Variants in TAF4 observed in about 807,000 individuals in gnomAD.
TAF4 encodes the protein TATA-box binding protein associated factor 4.
In TAF4, 9 loss-of-function variants were observed where a neutral mutation model predicts 90.3. The observed-to-expected ratio is 0.10, with a 90% CI of 0.06 to 0.17. The LOEUF is 0.17. Among genes scored for constraint, TAF4 ranks in the 10% least tolerant of loss-of-function variants. TAF4 has a pLI of 1.00. For synonymous variants in TAF4, 818 were observed against 638.9 expected, an observed-to-expected ratio of 1.28 and a Z score of -4.23; for missense variants, 1,351 against 1,370.7, an observed-to-expected ratio of 0.99 and a Z score of 0.23.
At chr20:62,064,078 C>T (rs1208704648) in intron 1 of TAF4, among the ~76,000 whole-genome samples, 1 of 152,232 alleles carries the variant, frequency 6.6e-6, no homozygotes. Context: ...CAGACCCCAT[C>T]GCCTGGCCCA....
chr20:62,006,791 G>A lies in TAF4; in HGVS notation c.1975-33C>T, dbSNP rs371986229. 3.3e-5 allele frequency: 48 copies of A among 1,441,172 alleles called. No individual in the cohort carries two copies. The highest frequency in any genetic ancestry group is 2.2e-4 in the African/African-American group (15 of 68,468). The allele number at this position is 1,441,172 out of a possible 1,614,324, so 89.3% of individuals were successfully genotyped here. A position where few individuals can be genotyped will look rare whatever the true frequency, so the allele number is the denominator to read the frequency against. Reference sequence around the variant, plus strand: ...GAAAGACAGACACGAGGGGTCAGGCGGCTGCTCATGCGTCGGTTTTCCTTG... The same window carrying A: ...GAAAGACAGACACGAGGGGTCAGGCAGCTGCTCATGCGTCGGTTTTCCTTG... On this transcript the variant is annotated intron_variant, in intron 6 of 14. Transcript: ENST00000252996. The surrounding 1 kb of genome is among the most constrained non-coding windows in gnomAD (Gnocchi z 7.0).
intron 14 of TAF4, among the ~76,000 whole-genome samples, chr20:61,977,468 G>C (rs2055502987): frequency 6.6e-6 from 1 of 152,206 alleles, no homozygotes; most frequent in Admixed American, 6.5e-5. Context: ...GCCTTGCTGT[G>C]AACAGCCCTG....
intron 1 of TAF4, among the ~76,000 whole-genome samples, chr20:62,045,727 G>A (rs1454071477): frequency 6.6e-6 from 1 of 152,210 alleles, no homozygotes; most frequent in Non-Finnish European, 1.5e-5. Context: ...TGAACGCTGA[G>A]GAGAGCGCAA....
chr20:61,997,753 G>A (rs2055672354), intron 13 of TAF4, 84 bp from the exon 14 acceptor site: 11 of 1,411,954 alleles, frequency 7.8e-6, no homozygotes, highest in Non-Finnish European at 9.4e-6. Context: ...ATATGAAAGG[G>A]TTTTCTGTAG....
At chr20:61,997,474 C>A (rs748187699) in intron 14 of TAF4, 76 bp downstream of exon 14, 1 of 1,379,196 alleles carries the variant, frequency 7.3e-7, no homozygotes, top group Non-Finnish European at 9.5e-7. Context: ...TATGTGTGTC[C>A]GTCCCCTAGA....
chr20:61,976,423 AT>A, intron 14 of TAF4, 88 bp from the exon 15 acceptor site: 1 of 1,497,956 alleles, frequency 6.7e-7, no homozygotes. Flanking sequence ...AAGTACCCCG[AT>A]TCCAGAGGAG....
At chr20:61,985,226 G>A (rs1023317776) in intron 14 of TAF4, among the ~76,000 whole-genome samples, 18 of 151,678 alleles carry the variant, frequency 1.2e-4, no homozygotes, top group Non-Finnish European at 1.6e-4. Context: ...GGTGAGTGAC[G>A]GCCACACTGA....
intron 1 of TAF4, among the ~76,000 whole-genome samples, chr20:62,054,049 G>A (rs936947007): frequency 2.6e-5 from 4 of 152,222 alleles, no homozygotes; most frequent in Admixed American, 6.5e-5. Flanking sequence ...GTGAGGCCAC[G>A]CGCCACACAG....
intron 14 of TAF4, among the ~76,000 whole-genome samples, chr20:61,989,492 A>T (rs2055617146): frequency 6.6e-6 from 1 of 151,760 alleles, no homozygotes; most frequent in Non-Finnish European, 1.5e-5. Flanking sequence ...CACTGCAGTG[A>T]GTGAGTGAAT....
intron 1 of TAF4, among the ~76,000 whole-genome samples, chr20:62,029,839 G>C (rs1600851723): frequency 6.6e-6 from 1 of 152,182 alleles, no homozygotes; most frequent in Admixed American, 6.5e-5. Flanking sequence ...CCGGGAGTCG[G>C]AGCTTGCGGT....
chr20:62,014,893 G>A (rs776195447), intron 1 of TAF4, among the ~76,000 whole-genome samples, 186 bp from the exon 2 acceptor site: 3 of 152,290 alleles, frequency 2.0e-5, no homozygotes, highest in Middle Eastern at 3.4e-3. Context: ...CAAAAAAACT[G>A]TAAAGGTTGT....
Position 62,036,952 on chromosome 20 carries a change from G to A in TAF4, c.1361-22245C>T, listed in dbSNP as rs185241378. Among the ~76,000 whole-genome samples, 42 of 152,266 alleles carry A rather than the reference G, an allele frequency of 2.8e-4. No individual in the cohort carries two copies. The East Asian group carries it at 7.0e-3, about 25-fold the overall frequency. Reference sequence around the variant, plus strand: ...TTGCCCCTTCCTTCCACACTCTGAGGACACACAAGAAGCTGCATGGGAGCA... The same window carrying A: ...TTGCCCCTTCCTTCCACACTCTGAGAACACACAAGAAGCTGCATGGGAGCA... On this transcript the variant is annotated intron_variant, in intron 1 of 14. Coordinates refer to ENST00000252996, the MANE Select transcript of TAF4 (RefSeq NM_003185.4).
intron 1 of TAF4, among the ~76,000 whole-genome samples, chr20:62,046,002 T>A (rs1028005429): frequency 6.6e-6 from 1 of 152,194 alleles, no homozygotes; most frequent in Non-Finnish European, 1.5e-5. Context: ...ACAGCCAGCA[T>A]CAGATTTAAG....
rs2055828653 is a variant in TAF4 at position 62,019,134 on chromosome 20, CTTCCTTACCACAGAAAGAAG to C, written c.1361-4447_1361-4428del. On this transcript the variant is annotated intron_variant, in intron 1 of 14. Coordinates refer to ENST00000252996, the MANE Select transcript of TAF4 (RefSeq NM_003185.4). ...CTGGGGCTTCCAATTGTCCTAATATCTTCCTTACCACAGAAAGAAGTGTTCTTCACAGAAAGTTTAATAAG... is the reference window on the plus strand; with the variant it reads ...CTGGGGCTTCCAATTGTCCTAATATCTGTTCTTCACAGAAAGTTTAATAAG... Among the ~76,000 whole-genome samples, 7 of 152,352 alleles carry C rather than the reference CTTCCTTACCACAGAAAGAAG, an allele frequency of 4.6e-5. No homozygotes were observed. The South Asian group carries it at 1.4e-3, about 32-fold the overall frequency.
chr20:62,057,523 C>T (rs1176670465), intron 1 of TAF4, among the ~76,000 whole-genome samples: 1 of 152,250 alleles, frequency 6.6e-6, no homozygotes, highest in African/African-American at 2.4e-5. Flanking sequence ...GCTCCTCTCA[C>T]AACTTTGAGA....
chr20:62,010,324 G>A lies in TAF4; in HGVS notation c.1642-159C>T, dbSNP rs550825689. On this transcript the variant is annotated intron_variant, in intron 3 of 14. Coordinates refer to ENST00000252996, the MANE Select transcript of TAF4 (RefSeq NM_003185.4). The surrounding 1 kb of genome is among the most constrained non-coding windows in gnomAD (Gnocchi z 4.5). ...GGCCACCTGCCAGCCCGCTGGACAC[G>A]GGAGTGCTGCTGGGAGGCCTGCCCT... Among the ~76,000 whole-genome samples the A allele has an allele frequency of 3.3e-5, 5 of 152,278 alleles. No homozygotes were observed. The highest frequency in any genetic ancestry group is 6.5e-5 in the Admixed American group (1 of 15,306).
intron 12 of TAF4, among the ~76,000 whole-genome samples, chr20:61,998,397 C>T (rs1168842596): frequency 1.3e-5 from 2 of 152,208 alleles, no homozygotes; most frequent in African/African-American, 4.8e-5. Context: ...AAGTCAGTAA[C>T]ATTTGGATGT....
chr20:62,065,850 G>A lies in TAF4; in HGVS notation c.-40C>T, dbSNP rs1191746070. Reference sequence around the variant, plus strand: ...CGCCGCCGCCGCCGCCGCTCGGGCCGAGCGCGCCTGGGCGAGGAGGAGGTT... The same window carrying A: ...CGCCGCCGCCGCCGCCGCTCGGGCCAAGCGCGCCTGGGCGAGGAGGAGGTT... On this transcript the variant is annotated 5_prime_UTR_variant, in exon 1 of 15. Transcript: ENST00000252996. The A allele has an allele frequency of 8.1e-7, 1 of 1,227,344 alleles. No homozygotes were observed. Among genetic ancestry groups the A allele is most frequent in the Admixed American group, 2.9e-5 (1 of 34,246 alleles). The allele number at this position is 1,227,344 out of a possible 1,614,324, so 76.0% of individuals were successfully genotyped here. A position where few individuals can be genotyped will look rare whatever the true frequency, so the allele number is the denominator to read the frequency against.
chr20:62,012,631 C>T (rs1039561543), intron 3 of TAF4, 184 bp downstream of exon 3: 1 of 772,886 alleles, frequency 1.3e-6, no homozygotes, highest in Non-Finnish European at 1.9e-6. Context: ...AAAAGAAATC[C>T]TGACTTATCC....
Sources: allele counts gnomAD v4.1 joint callset (sites outside exome capture counted in the v4.1 genomes callset), GRCh38; gene constraint gnomAD v4.1.1; non-coding constraint Gnocchi (gnomAD v3.1); transcripts MANE v1.5; gene names NCBI Gene and HGNC (gene_info 2026-07-23, HGNC 2026-07-21).